Variants in PALLD observed in about 807,000 individuals in gnomAD.
The protein encoded by PALLD is palladin.
A neutral mutation model predicts 123.5 loss-of-function variants in PALLD; 61 were observed. The ratio of observed to expected loss-of-function variants is 0.49; its 90% CI spans 0.40 to 0.61. The LOEUF is 0.61. Among genes scored for constraint, PALLD ranks in the 20% least tolerant of loss-of-function variants. The pLI is 0.00. For synonymous variants in PALLD, 465 were observed against 496.4 expected, an observed-to-expected ratio of 0.94 and a Z score of 0.84; for missense variants, 1,273 against 1,377.0, an observed-to-expected ratio of 0.92 and a Z score of 1.20.
intron 10 of PALLD, among the ~76,000 whole-genome samples, chr4:168,723,764 G>A (rs1786259130): frequency 6.6e-6 from 1 of 152,112 alleles, no homozygotes; most frequent in African/African-American, 2.4e-5. Flanking sequence ...ACTTGCAGTT[G>A]GAAGGAAATA....
intron 2 of PALLD, among the ~76,000 whole-genome samples, chr4:168,517,109 G>A (rs1763061250): frequency 6.6e-6 from 1 of 152,160 alleles, no homozygotes; most frequent in Non-Finnish European, 1.5e-5. Flanking sequence ...GCAGGATCAA[G>A]ACACAGGGAC....
chr4:168,660,966 A>G (rs2149977326), intron 2 of PALLD, among the ~76,000 whole-genome samples: 1 of 150,454 alleles, frequency 6.6e-6, no homozygotes, highest in East Asian at 2.0e-4. Flanking sequence ...GTGCAGTGGC[A>G]CGATCTTGAC....
At chr4:168,656,186 C>G (rs1778542413) in intron 2 of PALLD, among the ~76,000 whole-genome samples, 1 of 152,048 alleles carries the variant, frequency 6.6e-6, no homozygotes, top group African/African-American at 2.4e-5. Flanking sequence ...GCACCTCTAG[C>G]TGATTTATGT....
At position 168,912,115 on chromosome 4, in the gene PALLD, G is replaced by A. The variant is rs371082056; in HGVS notation, c.2623-1812G>A. Among the ~76,000 whole-genome samples the A allele has an allele frequency of 6.4e-4, 97 of 152,138 alleles. 4 individuals carry two copies. In the South Asian group the frequency reaches 0.019, roughly 30 times the overall value. On this transcript the variant is annotated intron_variant, in intron 15 of 21. Coordinates refer to ENST00000505667, the MANE Select transcript of PALLD (RefSeq NM_001166108.2). ...ATTTTTCTCTGCATTCCCTCCACTAGTGCCCTCACCCTGACCCCCACTCCA... is the reference window on the plus strand; with the variant it reads ...ATTTTTCTCTGCATTCCCTCCACTAATGCCCTCACCCTGACCCCCACTCCA...
At chr4:168,876,306 C>T (rs558620522) in intron 10 of PALLD, among the ~76,000 whole-genome samples, 1 of 152,326 alleles carries the variant, frequency 6.6e-6, no homozygotes, top group Non-Finnish European at 1.5e-5. Context: ...TGCCAGAGCA[C>T]ATGTGCTGGA....
intron 10 of PALLD, among the ~76,000 whole-genome samples, chr4:168,727,897 G>A (rs889504037): frequency 2.0e-5 from 3 of 147,784 alleles, no homozygotes; most frequent in South Asian, 2.1e-4. Flanking sequence ...ATGGTGAAAG[G>A]TAAGGGTCTA....
chr4:168,833,702 G>A (rs68129354), intron 10 of PALLD, among the ~76,000 whole-genome samples: 18,813 of 151,520 alleles, frequency 0.12, 1,220 homozygotes, highest in Non-Finnish European at 0.14. Flanking sequence ...TTGGGTTTGG[G>A]TTGCTTCTAG....
chr4:168,636,859 G>C (rs1292824975), intron 2 of PALLD, among the ~76,000 whole-genome samples: 1 of 152,164 alleles, frequency 6.6e-6, no homozygotes, highest in African/African-American at 2.4e-5. Context: ...GCTCAGCAGG[G>C]TGATCCATTT....
intron 2 of PALLD, among the ~76,000 whole-genome samples, chr4:168,600,045 A>ACACACACATACATGTGTG (rs1772433183): frequency 4.3e-5 from 6 of 140,614 alleles, no homozygotes; most frequent in East Asian, 2.3e-4. Flanking sequence ...ATACATGTGT[A>ACACACACATACATGTGTG]TACACACATA....
At chr4:168,864,515 T>A (rs1407951104) in intron 10 of PALLD, 1 of 152,222 alleles carries the variant, frequency 6.6e-6, no homozygotes. Flanking sequence ...CATCCACATG[T>A]TCCATGCTTT....
At chr4:168,605,647 G>A (rs1773087547) in intron 2 of PALLD, among the ~76,000 whole-genome samples, 1 of 152,206 alleles carries the variant, frequency 6.6e-6, no homozygotes, top group Non-Finnish European at 1.5e-5. Flanking sequence ...CTGCAGAGCT[G>A]TCTGGACACA....
At position 168,851,417 on chromosome 4, in the gene PALLD, G is replaced by A. The variant is rs142146592; in HGVS notation, c.1965-39505G>A. Among the ~76,000 whole-genome samples the A allele has an allele frequency of 1.1e-3, 166 of 152,136 alleles. 1 individual carries two copies. In the Middle Eastern group the frequency reaches 0.017, roughly 16 times the overall value. Reference sequence around the variant, plus strand: ...GAGTCTGGCTGTTTCACCCAGGCTGGAGTGCAATGGCGCAATCTCGGCTCA... The same window carrying A: ...GAGTCTGGCTGTTTCACCCAGGCTGAAGTGCAATGGCGCAATCTCGGCTCA... On this transcript the variant is annotated intron_variant, in intron 10 of 21. Coordinates refer to ENST00000505667, the MANE Select transcript of PALLD (RefSeq NM_001166108.2).
chr4:168,793,979 C>A (rs1008313382), intron 10 of PALLD, among the ~76,000 whole-genome samples: 25 of 152,198 alleles, frequency 1.6e-4, no homozygotes, highest in Admixed American at 5.2e-4. Flanking sequence ...CCTAGGGTAT[C>A]CACCGGGGAG....
chr4:168,754,736 C>T (rs34254192), intron 10 of PALLD, among the ~76,000 whole-genome samples: 7,807 of 152,208 alleles, frequency 0.051, 316 homozygotes, highest in Non-Finnish European at 0.081. Context: ...TCATTCAATA[C>T]ACACTATACA....
At chr4:168,814,645 A>G (rs1333331059) in intron 10 of PALLD, among the ~76,000 whole-genome samples, 1 of 152,266 alleles carries the variant, frequency 6.6e-6, no homozygotes, top group Non-Finnish European at 1.5e-5. Flanking sequence ...TGATTCCAAC[A>G]GTTCTCCAGT....
chr4:168,648,355 A>T (rs181174030), intron 2 of PALLD: 1 of 152,178 alleles, frequency 6.6e-6, no homozygotes, highest in African/African-American at 2.4e-5. Flanking sequence ...CTATGGCATA[A>T]TGAAGGGGGA....
chr4:168,855,407 G>T (rs1748463252), intron 10 of PALLD, among the ~76,000 whole-genome samples: 1 of 152,150 alleles, frequency 6.6e-6, no homozygotes, highest in Non-Finnish European at 1.5e-5. Flanking sequence ...AATGTTCTAA[G>T]TTCAGCAAAA....
At chr4:168,681,260 A>G in intron 3 of PALLD, 72 bp from the exon 4 acceptor site, 1 of 899,030 alleles carries the variant, frequency 1.1e-6, no homozygotes, top group Non-Finnish European at 1.9e-6. Context: ...TTTAAGGGAA[A>G]TATAATTCTT....
intron 2 of PALLD, among the ~76,000 whole-genome samples, chr4:168,568,914 T>A (rs1173916937): frequency 6.6e-6 from 1 of 151,956 alleles, no homozygotes; most frequent in East Asian, 1.9e-4. Context: ...TTAAGGATAG[T>A]GTCCTTTTTA....
Sources: allele counts gnomAD v4.1 joint callset (sites outside exome capture counted in the v4.1 genomes callset), GRCh38; gene constraint gnomAD v4.1.1; transcripts MANE v1.5; gene names NCBI Gene and HGNC (gene_info 2026-07-23, HGNC 2026-07-21).